PNPLA8: variants seen among roughly 807,000 people sequenced by gnomAD.
PNPLA8 encodes the protein calcium-independent phospholipase A2-gamma.
In PNPLA8, 39 loss-of-function variants were observed where a neutral mutation model predicts 76.9. That is an observed-to-expected ratio of 0.51 (90% CI 0.39 to 0.66). PNPLA8 has a LOEUF of 0.66. PNPLA8 is among the 30% of genes least tolerant of loss of function. The pLI, the probability that PNPLA8 is intolerant of heterozygous loss-of-function variation, is 0.00. For synonymous variants in PNPLA8, 301 were observed against 307.9 expected, an observed-to-expected ratio of 0.98 and a Z score of 0.24; for missense variants, 887 against 918.0, an observed-to-expected ratio of 0.97 and a Z score of 0.44.
At chr7:108,493,699 A>G (rs1414211058) in intron 7 of PNPLA8, among the ~76,000 whole-genome samples, 1 of 150,892 alleles carries the variant, frequency 6.6e-6, no homozygotes, top group Non-Finnish European at 1.5e-5. Context: ...ATGATAATGG[A>G]TGGGAAGCTT....
intron 5 of PNPLA8, among the ~76,000 whole-genome samples, chr7:108,497,903 C>G (rs573426654): frequency 6.6e-6 from 1 of 150,612 alleles, no homozygotes; most frequent in African/African-American, 2.4e-5. Context: ...GTGGCTCATT[C>G]TTGTAATCCC....
At chr7:108,473,582 G>C (rs1043203590) in intron 10 of PNPLA8, among the ~76,000 whole-genome samples, 1 of 152,152 alleles carries the variant, frequency 6.6e-6, no homozygotes, top group African/African-American at 2.4e-5. Flanking sequence ...CAAGTCTTAA[G>C]TTTTGCATTA....
chr7:108,486,194 G>T (rs1456788797), intron 9 of PNPLA8, among the ~76,000 whole-genome samples: 3 of 152,026 alleles, frequency 2.0e-5, no homozygotes, highest in African/African-American at 4.8e-5. Flanking sequence ...CTTTTGAAGT[G>T]TGGAAAACAC....
chr7:108,479,469 C>G, intron 9 of PNPLA8, 90 bp from the exon 10 acceptor site: 1 of 880,466 alleles, frequency 1.1e-6, no homozygotes, highest in Non-Finnish European at 1.7e-6. Flanking sequence ...TTATTTAAAA[C>G]CAAGAGGTTC....
At chr7:108,498,126 C>CA (rs1563957795) in intron 5 of PNPLA8, among the ~76,000 whole-genome samples, 1 of 121,332 alleles carries the variant, frequency 8.2e-6, no homozygotes, top group African/African-American at 3.2e-5. Flanking sequence ...AAAAAAAAAA[C>CA]AAAAAACAAA....
chr7:108,470,724 A>G lies in PNPLA8; in HGVS notation c.*1677T>C, dbSNP rs1346194634. 1.3e-5 allele frequency: 2 copies of G among 152,190 alleles called. No individual in the cohort carries two copies. The highest frequency in any genetic ancestry group is 2.9e-5 in the Non-Finnish European group (2 of 68,020). 9.4% of individuals were successfully genotyped at this position (152,190 alleles called of 1,614,324 possible). On this transcript the variant is annotated 3_prime_UTR_variant, in exon 11 of 11. Transcript: ENST00000257694. ...GGTCTGAAAGAACTATATTATCTTTAGAAATCATTGGTAGTTTCCTATTTT... is the reference window on the plus strand; with the variant it reads ...GGTCTGAAAGAACTATATTATCTTTGGAAATCATTGGTAGTTTCCTATTTT...
At chr7:108,509,620 G>A (rs1196338994) in intron 4 of PNPLA8, among the ~76,000 whole-genome samples, 5 of 149,550 alleles carry the variant, frequency 3.3e-5, no homozygotes. Flanking sequence ...TCAGTGTGGC[G>A]ATTCCTCAGG....
chr7:108,507,153 G>T (rs1862499922), intron 4 of PNPLA8, among the ~76,000 whole-genome samples: 1 of 151,768 alleles, frequency 6.6e-6, no homozygotes, highest in Non-Finnish European at 1.5e-5. Context: ...GACCATCCTG[G>T]CCAACATGGT....
chr7:108,512,448 C>A (rs948105830), intron 4 of PNPLA8, among the ~76,000 whole-genome samples: 1 of 152,038 alleles, frequency 6.6e-6, no homozygotes. Flanking sequence ...TTATCACAGA[C>A]AATTCCCTAA....
intron 2 of PNPLA8, among the ~76,000 whole-genome samples, chr7:108,521,161 A>G (rs578095827): frequency 6.6e-6 from 1 of 152,308 alleles, no homozygotes; most frequent in South Asian, 2.1e-4. Context: ...ATGTGTAACT[A>G]AGATTTAGAA....
At chr7:108,492,156 C>T (rs1461441739) in intron 7 of PNPLA8, among the ~76,000 whole-genome samples, 1 of 152,148 alleles carries the variant, frequency 6.6e-6, no homozygotes, top group African/African-American at 2.4e-5. Context: ...TTTCACCAGC[C>T]TTCCTCATGA....
intron 4 of PNPLA8, among the ~76,000 whole-genome samples, chr7:108,508,482 C>T (rs1862626202): frequency 3.6e-5 from 1 of 27,436 alleles, no homozygotes; most frequent in Non-Finnish European, 7.5e-5. Flanking sequence ...TGTGAAGGAC[C>T]TCTTCAAGGA....
intron 9 of PNPLA8, among the ~76,000 whole-genome samples, chr7:108,483,332 AG>A (rs1860529832): frequency 6.6e-6 from 1 of 152,208 alleles, no homozygotes; most frequent in African/African-American, 2.4e-5. Flanking sequence ...TGGGATATAC[AG>A]GGCTGTGTTG....
At chr7:108,474,604 T>C (rs1029310878) in intron 10 of PNPLA8, among the ~76,000 whole-genome samples, 22 of 152,222 alleles carry the variant, frequency 1.4e-4, no homozygotes, top group Non-Finnish European at 2.9e-5. Context: ...CATTCCAAGT[T>C]ACTTTTGTGT....
At chr7:108,473,468 C>T (rs78799113) in intron 10 of PNPLA8, among the ~76,000 whole-genome samples, 6,100 of 152,056 alleles carry the variant, frequency 0.04, 409 homozygotes, top group African/African-American at 0.14. Flanking sequence ...AAAGGGTATG[C>T]TTATTTTAAA....
At chr7:108,505,497 G>C (rs1283570298) in intron 4 of PNPLA8, among the ~76,000 whole-genome samples, 2 of 148,988 alleles carry the variant, frequency 1.3e-5, no homozygotes, top group South Asian at 2.1e-4. Context: ...CAAGTAGCTG[G>C]AACTACAGGC....
At position 108,491,434 on chromosome 7, in the gene PNPLA8, T is replaced by C. The variant is rs1196238798; in HGVS notation, c.1659A>G (p.Thr553=). The C allele has an allele frequency of 6.2e-7, 1 of 1,606,450 alleles. No homozygotes were observed. The highest frequency in any genetic ancestry group is 8.5e-7 in the Non-Finnish European group (1 of 1,172,948). The change falls in exon 8 of 11, where the codon ACA becomes ACG. Residue 553 remains threonine, a synonymous_variant. Transcript: ENST00000257694. ...DRMGSALMIE[T]ARNPTCPKVA... ...CCTTAGGACATGTGGGGTTTCTTGC[T>C]GTTTCAATCATCAGTGCAGATCCCA... is the stretch of plus-strand genomic sequence containing the variant.
At chr7:108,486,543 T>C (rs1860750229) in intron 9 of PNPLA8, among the ~76,000 whole-genome samples, 1 of 152,100 alleles carries the variant, frequency 6.6e-6, no homozygotes, top group Admixed American at 6.6e-5. Flanking sequence ...TGACTGATTC[T>C]GCAAAGTAAG....
chr7:108,491,075 C>T (rs1176433835), intron 8 of PNPLA8, among the ~76,000 whole-genome samples: 7 of 152,034 alleles, frequency 4.6e-5, no homozygotes, highest in South Asian at 2.1e-4. Flanking sequence ...GAGGCCAAGG[C>T]GGGCAGATCA....
Sources: gnomAD v4.1 joint callset for allele counts (sites outside exome capture counted in the v4.1 genomes callset) on GRCh38, gnomAD v4.1.1 for gene constraint, MANE v1.5 for transcripts, NCBI Gene and HGNC (gene_info 2026-07-23, HGNC 2026-07-21) for gene names.